LDLRAD2: variants seen among roughly 807,000 people sequenced by gnomAD.
LDLRAD2 encodes low-density lipoprotein receptor class A domain-containing protein 2.
LDLRAD2 carries 25 observed loss-of-function variants against 24.9 expected under a neutral mutation model. That is an observed-to-expected ratio of 1.00 (90% confidence interval 0.73 to 1.40). The LOEUF is 1.40. LDLRAD2 is among the 40% of genes most tolerant of loss of function. The pLI is 0.00. For synonymous variants in LDLRAD2, 182 were observed against 166.7 expected (o/e 1.09, Z -0.71); for missense variants, 391 against 366.2 (o/e 1.07, Z -0.55).
Position 21,824,035 on chromosome 1 carries a change from A to G in LDLRAD2, c.*1820A>G. 7.9e-7 allele frequency: 1 copy of G among 1,265,118 alleles called. No homozygotes were observed. The allele number at this position is 1,265,118 out of a possible 1,614,324, so 78.4% of individuals were successfully genotyped here. ...AAGTTCTGTCTCCACAGAGCTCAAT[A>G]CCTGCCTCTCTGCCCATGGTAGGGG... On this transcript the variant is annotated 3_prime_UTR_variant, in exon 5 of 5. Transcript: ENST00000344642. This position sits in a 1 kb window ranked among gnomAD's most constrained non-coding sequence, Gnocchi z 5.9.
Position 21,822,925 on chromosome 1 carries a change from C to T in LDLRAD2, c.*710C>T, listed in dbSNP as rs146732517. The stretch of plus-strand genomic sequence containing the variant: ...GTCTCAGGTAGCTGTGGGGCACCAG[C>T]CCACAAGCCGAGGTTGGCTCTCCTA... On this transcript the variant is annotated 3_prime_UTR_variant, in exon 5 of 5. Transcript: ENST00000344642. 402 of 177,900 alleles carry T rather than the reference C, an allele frequency of 2.3e-3. 7 individuals carry two copies. Among genetic ancestry groups the T allele is most frequent in the African/African-American group, 7.4e-3 (310 of 42,176 alleles). The allele number at this position is 177,900 out of a possible 1,614,324, so 11.0% of individuals were successfully genotyped here.
At chr1:21,814,320 G>T (rs1274793031) in intron 1 of LDLRAD2, 78 bp from the exon 2 acceptor site, 8 of 1,258,426 alleles carry the variant, frequency 6.4e-6, no homozygotes, top group Non-Finnish European at 8.6e-6. Context: ...ACTCGCTTGG[G>T]ATCACACAGC....
In LDLRAD2 at chr1:21,824,138, G is replaced by T; in HGVS notation, c.*1923G>T. 5 of 1,613,414 alleles carry T rather than the reference G, an allele frequency of 3.1e-6. No individual in the cohort carries two copies. The highest frequency in any genetic ancestry group is 3.4e-6 in the Non-Finnish European group (4 of 1,179,996). On this transcript the variant is annotated 3_prime_UTR_variant, in exon 5 of 5. Transcript: ENST00000344642. This position sits in a 1 kb window ranked among gnomAD's most constrained non-coding sequence, Gnocchi z 5.9. ...TCCCTTACCGCAGTGCTGTCACCCG[G>T]TGCCACTCGCCGTCATTGATGGGGT...
intron 1 of LDLRAD2, among the ~76,000 whole-genome samples, chr1:21,813,123 C>T (rs1422229325): frequency 6.6e-6 from 1 of 152,176 alleles, no homozygotes. Flanking sequence ...GGTGAAACCA[C>T]ATCTCTACTA....
At position 21,821,521 on chromosome 1, in the gene LDLRAD2, G is replaced by GCT; in HGVS notation, c.719_720dup (p.Gly241SerfsTer47). The GCT allele has an allele frequency of 6.2e-7, 1 of 1,614,112 alleles. No homozygotes were observed. The highest frequency in any genetic ancestry group is 8.5e-7 in the Non-Finnish European group (1 of 1,180,014). Reference sequence around the variant, plus strand: ...CTCCAGATCCCTGACTCCCTCCCCAGCTCTCGGGTCTGCAGGATCCCTCTG... The same window carrying GCT: ...CTCCAGATCCCTGACTCCCTCCCCAGCTCTCTCGGGTCTGCAGGATCCCTCTG... On this transcript the variant is annotated frameshift_variant, in exon 4 of 5. Transcript: ENST00000344642. LOFTEE classifies it high-confidence loss of function.
chr1:21,823,268 TGTCGGGCTGGGGCGTG>T lies in LDLRAD2; in HGVS notation c.*1055_*1070del. On this transcript the variant is annotated 3_prime_UTR_variant, in exon 5 of 5. Coordinates refer to ENST00000344642, the MANE Select transcript of LDLRAD2 (RefSeq NM_001013693.3). ...ATATTAATAATAATATACTCGACAT[TGTCGGGCTGGGGCGTG>T]GCCCGGGAGTCCGTGTGGGGCAGGC... is the stretch of plus-strand genomic sequence containing the variant. The T allele has an allele frequency of 7.0e-7, 1 of 1,422,874 alleles. No individual in the cohort carries two copies. Among genetic ancestry groups the T allele is most frequent in the Non-Finnish European group, 9.3e-7 (1 of 1,076,842 alleles). 88.1% of individuals were successfully genotyped at this position (1,422,874 alleles called of 1,614,324 possible). A position where few individuals can be genotyped will look rare whatever the true frequency, so the allele number is the denominator to read the frequency against.
rs1162348151 is a variant in LDLRAD2 at position 21,823,388 on chromosome 1, G to C, written c.*1173G>C. The C allele has an allele frequency of 1.3e-6, 2 of 1,557,978 alleles. No homozygotes were observed. The highest frequency in any genetic ancestry group is 1.7e-6 in the Non-Finnish European group (2 of 1,156,316). Reference sequence around the variant, plus strand: ...GCAGGTCCAGGGGCTGTGGGGGCGGGGCGCCGGGTCGGGCCGAGTGCAGCA... The same window carrying C: ...GCAGGTCCAGGGGCTGTGGGGGCGGCGCGCCGGGTCGGGCCGAGTGCAGCA... On this transcript the variant is annotated 3_prime_UTR_variant, in exon 5 of 5. Transcript: ENST00000344642.
intron 3 of LDLRAD2, among the ~76,000 whole-genome samples, chr1:21,820,404 T>A (rs2097949269): frequency 6.6e-6 from 1 of 150,576 alleles, no homozygotes; most frequent in Admixed American, 6.6e-5. Flanking sequence ...GCACCTGTAG[T>A]CCCGGCTACT....
At chr1:21,817,857 C>CATTT (rs1276323717) in intron 3 of LDLRAD2, among the ~76,000 whole-genome samples, 4 of 151,890 alleles carry the variant, frequency 2.6e-5, no homozygotes, top group African/African-American at 7.3e-5. Flanking sequence ...TCTCATGTTA[C>CATTT]ATTTATTTAT....
rs778847659 is a variant in LDLRAD2 at position 21,824,639 on chromosome 1, G to T, written c.*2424G>T. On this transcript the variant is annotated 3_prime_UTR_variant, in exon 5 of 5. Transcript: ENST00000344642. The surrounding 1 kb of genome is among the most constrained non-coding windows in gnomAD (Gnocchi z 5.9). ...GGCTGCGGAGGAAGAGCGGGTGAGG[G>T]GACAGAAGTCCCAGATTCCCATCCT... The T allele has an allele frequency of 1.2e-6, 2 of 1,613,886 alleles. No individual in the cohort carries two copies. Among genetic ancestry groups the T allele is most frequent in the Admixed American group, 1.7e-5 (1 of 60,006 alleles).
intron 3 of LDLRAD2, among the ~76,000 whole-genome samples, chr1:21,820,728 TG>T (rs2097950242): frequency 6.6e-6 from 1 of 152,208 alleles, no homozygotes; most frequent in Admixed American, 6.5e-5. Context: ...GAGCCATGCC[TG>T]GGGGCATAGG....
rs751870091 is a variant in LDLRAD2 at position 21,823,494 on chromosome 1, G to A, written c.*1279G>A. 6.5e-5 allele frequency: 105 copies of A among 1,604,686 alleles called. No individual in the cohort carries two copies. The highest frequency in any genetic ancestry group is 1.6e-4 in the Middle Eastern group (1 of 6,080). On this transcript the variant is annotated 3_prime_UTR_variant, in exon 5 of 5. Transcript: ENST00000344642. ...GGCCACGTCAGGGGCTCCGCCTGCC[G>A]GGAGGTGAGAGGACAGGGCCTGTGG...
Position 21,814,431 on chromosome 1 carries a change from A to C in LDLRAD2, c.119A>C (p.Gln40Pro), listed in dbSNP as rs751337672. ...DLAELCGQTW[Q>P]GDGLLLRSHA... ...GCGGAACTGTGCGGGCAGACGTGGC[A>C]GGGGGACGGGCTGCTGCTGCGCTCG... Residue 40 changes from glutamine (Q) to proline (P), a missense_variant, in exon 2 of 5, where the codon CAG becomes CCG. Physicochemically the swap from Gln to Pro is moderately conservative, Grantham distance 76. Coordinates refer to ENST00000344642, the MANE Select transcript of LDLRAD2 (RefSeq NM_001013693.3). 32 of 1,608,620 alleles carry C rather than the reference A, an allele frequency of 2.0e-5. No homozygotes were observed. The highest frequency in any genetic ancestry group is 2.7e-5 in the Non-Finnish European group (32 of 1,177,568).
intron 2 of LDLRAD2, 146 bp downstream of exon 2, chr1:21,814,969 G>A: frequency 2.6e-6 from 2 of 768,752 alleles, no homozygotes; most frequent in Non-Finnish European, 3.7e-6. Context: ...TGGGTCCAAC[G>A]GGAGGGAAGA....
intron 3 of LDLRAD2, among the ~76,000 whole-genome samples, chr1:21,818,294 G>GAGC (rs2097946354): frequency 6.6e-6 from 1 of 152,202 alleles, no homozygotes; most frequent in Non-Finnish European, 1.5e-5. Flanking sequence ...TTACAGGCGT[G>GAGC]AGCCTCCGCA....
intron 4 of LDLRAD2, 41 bp from the exon 5 acceptor site, chr1:21,822,161 C>T (rs2097953238): frequency 1.2e-6 from 2 of 1,614,048 alleles, no homozygotes; most frequent in Non-Finnish European, 1.7e-6. Context: ...CAGCTTGCTT[C>T]ACCCCCAGAT....
Position 21,823,414 on chromosome 1 carries a change from C to G in LDLRAD2, c.*1199C>G. 1 of 1,582,756 alleles carries G rather than the reference C, an allele frequency of 6.3e-7. No individual in the cohort carries two copies. Among genetic ancestry groups the G allele is most frequent in the Non-Finnish European group, 8.6e-7 (1 of 1,169,280 alleles). On this transcript the variant is annotated 3_prime_UTR_variant, in exon 5 of 5. Transcript: ENST00000344642. ...GCGCCGGGTCGGGCCGAGTGCAGCA[C>G]CAGGTTCTTGACACAGCCTGTGATG...
chr1:21,824,588 C>G lies in LDLRAD2; in HGVS notation c.*2373C>G. 6.2e-7 allele frequency: 1 copy of G among 1,614,036 alleles called. No individual in the cohort carries two copies. The highest frequency in any genetic ancestry group is 8.5e-7 in the Non-Finnish European group (1 of 1,180,032). On this transcript the variant is annotated 3_prime_UTR_variant, in exon 5 of 5. Coordinates refer to ENST00000344642, the MANE Select transcript of LDLRAD2 (RefSeq NM_001013693.3). This position sits in a 1 kb window ranked among gnomAD's most constrained non-coding sequence, Gnocchi z 5.9. ...TGGCTGTGCTGGTCCGAACCTCCAG[C>G]TCGATGGTCTCGGGCACCTCGGGCA...
At position 21,824,665 on chromosome 1, in the gene LDLRAD2, C is replaced by G. The variant is rs2097964237; in HGVS notation, c.*2450C>G. On this transcript the variant is annotated 3_prime_UTR_variant, in exon 5 of 5. Transcript: ENST00000344642. The surrounding 1 kb of genome is among the most constrained non-coding windows in gnomAD (Gnocchi z 5.9). Reference sequence around the variant, plus strand: ...GACAGAAGTCCCAGATTCCCATCCTCCCCATTAGGCCCATGGGCCCTTCCA... The same window carrying G: ...GACAGAAGTCCCAGATTCCCATCCTGCCCATTAGGCCCATGGGCCCTTCCA... 3 of 1,613,116 alleles carry G rather than the reference C, an allele frequency of 1.9e-6. No individual in the cohort carries two copies. Among genetic ancestry groups the G allele is most frequent in the African/African-American group, 2.7e-5 (2 of 74,920 alleles).
Sources: gnomAD v4.1 joint callset for allele counts (sites outside exome capture counted in the v4.1 genomes callset) on GRCh38, gnomAD v4.1.1 for gene constraint, Gnocchi (gnomAD v3.1) non-coding constraint, MANE v1.5 for transcripts, NCBI Gene and HGNC (gene_info 2026-07-23, HGNC 2026-07-21) for gene names.